The following TTC7A variants were observed in gnomAD, a reference collection of about 807,000 sequenced individuals.
The protein encoded by TTC7A is tetratricopeptide repeat domain 7A, also known as tetratricopeptide repeat protein 7A.
In TTC7A, 110 loss-of-function variants were observed where a neutral mutation model predicts 103.7. The ratio of observed to expected loss-of-function variants is 1.06; its 90% CI spans 0.91 to 1.24. The LOEUF (loss-of-function observed/expected upper bound fraction) is 1.24. Among genes scored for constraint, TTC7A ranks in the 50% most tolerant of loss-of-function variants. The pLI is 0.00. For missense variants in TTC7A, 1,340 were observed against 1,116.3 expected (o/e 1.20, Z -2.86); for synonymous variants, 521 against 467.9 (o/e 1.11, Z -1.47).
chr2:47,002,514 G>A (rs1676924615), intron 8 of TTC7A, among the ~76,000 whole-genome samples: 1 of 148,852 alleles, frequency 6.7e-6, no homozygotes, highest in Admixed American at 6.7e-5. Context: ...GTGTGGCTGG[G>A]ACTAGGTCAG....
At chr2:46,965,080 A>G (rs1672722273) in intron 3 of TTC7A, among the ~76,000 whole-genome samples, 1 of 152,200 alleles carries the variant, frequency 6.6e-6, no homozygotes, top group Non-Finnish European at 1.5e-5. Flanking sequence ...TGCAAAGTCA[A>G]AAGGTGAAAT....
intron 8 of TTC7A, among the ~76,000 whole-genome samples, chr2:46,996,042 C>A (rs17036022): frequency 0.07 from 10,635 of 152,344 alleles, 416 homozygotes; most frequent in Non-Finnish European, 0.079. Flanking sequence ...AACACAAGCA[C>A]GTGGATGCAC....
chr2:47,069,732 C>T lies in TTC7A; in HGVS notation c.2356-3970C>T, dbSNP rs149948461. On this transcript the variant is annotated intron_variant, in intron 19 of 19. Coordinates refer to ENST00000319190, the MANE Select transcript of TTC7A (RefSeq NM_020458.4). Reference sequence around the variant, plus strand: ...TGAGAGAATCCGGAATGCCAGAGAGCCTGGAGCTGGGCTGGAATGCCAGCC... The same window carrying T: ...TGAGAGAATCCGGAATGCCAGAGAGTCTGGAGCTGGGCTGGAATGCCAGCC... Among the ~76,000 whole-genome samples the T allele has an allele frequency of 8.6e-3, 1,312 of 152,302 alleles. 12 individuals are homozygous for T. The highest frequency in any genetic ancestry group is 0.017 in the Middle Eastern group (5 of 294).
Position 47,075,165 on chromosome 2 carries a change from C to T in TTC7A, c.*1242C>T, listed in dbSNP as rs1449645148. 4 of 152,248 alleles carry T rather than the reference C, an allele frequency of 2.6e-5. No homozygotes were observed. The highest frequency in any genetic ancestry group is 5.9e-5 in the Non-Finnish European group (4 of 68,054). The allele number at this position is 152,248 out of a possible 1,614,324, so 9.4% of individuals were successfully genotyped here. A position where few individuals can be genotyped will look rare whatever the true frequency, so the allele number is the denominator to read the frequency against. On this transcript the variant is annotated 3_prime_UTR_variant, in exon 20 of 20. Transcript: ENST00000319190. Reference sequence around the variant, plus strand: ...TCCATGGCACACTAGCTCAGCACTGCATTTCCCGAGATGATTCCCAAGACA... The same window carrying T: ...TCCATGGCACACTAGCTCAGCACTGTATTTCCCGAGATGATTCCCAAGACA...
intron 1 of TTC7A, among the ~76,000 whole-genome samples, chr2:46,943,001 G>A (rs542305980): frequency 6.6e-6 from 1 of 152,220 alleles, no homozygotes; most frequent in East Asian, 1.9e-4. Context: ...AACTTCCTGG[G>A]CTCAAGCGAT....
chr2:47,005,511 A>T (rs1369691085), intron 8 of TTC7A, among the ~76,000 whole-genome samples: 1 of 152,180 alleles, frequency 6.6e-6, no homozygotes, highest in African/African-American at 2.4e-5. Flanking sequence ...AGATACAGGG[A>T]GATTAAAGAG....
intron 4 of TTC7A, among the ~76,000 whole-genome samples, chr2:46,976,093 T>C (rs770488226): frequency 6.6e-6 from 1 of 152,228 alleles, no homozygotes; most frequent in Non-Finnish European, 1.5e-5. Flanking sequence ...GGTTCAATGC[T>C]AAGGGGACAG....
At chr2:47,030,600 A>G (rs933206987) in intron 15 of TTC7A, among the ~76,000 whole-genome samples, 6 of 152,212 alleles carry the variant, frequency 3.9e-5, no homozygotes. Context: ...GGGGAGTCCC[A>G]GTGGCCAAGG....
At chr2:46,923,760 C>T (rs1290330228) in intron 2 of TTC7A, among the ~76,000 whole-genome samples, 1 of 151,608 alleles carries the variant, frequency 6.6e-6, no homozygotes, top group Non-Finnish European at 1.5e-5. Flanking sequence ...GAGACAAAGT[C>T]TCACTCTTGT....
chr2:47,056,514 G>C (rs892356730), intron 18 of TTC7A, among the ~76,000 whole-genome samples: 1 of 152,202 alleles, frequency 6.6e-6, no homozygotes, highest in Non-Finnish European at 1.5e-5. Context: ...CCCTGCAAAG[G>C]GGGTGTGGAA....
At chr2:46,956,058 C>T (rs1326513060) in intron 2 of TTC7A, among the ~76,000 whole-genome samples, 1 of 152,206 alleles carries the variant, frequency 6.6e-6, no homozygotes, top group African/African-American at 2.4e-5. Context: ...AGCACAGCCT[C>T]CCTCAGGCAA....
intron 2 of TTC7A, among the ~76,000 whole-genome samples, chr2:46,924,032 G>C (rs1016263138): frequency 2.2e-4 from 34 of 151,678 alleles, no homozygotes; most frequent in Non-Finnish European, 3.8e-4. Flanking sequence ...CACTGTGCCC[G>C]GCCTATAGAA....
chr2:46,923,308 T>G (rs1363731129), intron 2 of TTC7A, among the ~76,000 whole-genome samples: 1 of 152,096 alleles, frequency 6.6e-6, no homozygotes, highest in Non-Finnish European at 1.5e-5. Context: ...GGGCTAAGAG[T>G]CCCAACCTTC....
At position 47,017,667 on chromosome 2, in the gene TTC7A, G is replaced by C. The variant is rs139858515; in HGVS notation, c.1393-4195G>C. ...GGGGATGGAAAGCTCGACCAGCTCA[G>C]CATAGTGGACTGTGCGGGCCTGCGG... On this transcript the variant is annotated intron_variant, in intron 11 of 19. Transcript: ENST00000319190. 3.2e-3 allele frequency among the ~76,000 whole-genome samples: 485 copies of C among 152,322 alleles called. 3 individuals are homozygous for C. The highest frequency in any genetic ancestry group is 0.013 in the Admixed American group (204 of 15,304).
chr2:46,990,072 A>G (rs1161383985), intron 5 of TTC7A, among the ~76,000 whole-genome samples: 2 of 152,194 alleles, frequency 1.3e-5, no homozygotes, highest in Non-Finnish European at 2.9e-5. Flanking sequence ...TGTAGGCCAC[A>G]GGGCCCTAGG....
Position 47,031,796 on chromosome 2 carries a change from C to T in TTC7A, c.1802+2412C>T, listed in dbSNP as rs553313850. Among the ~76,000 whole-genome samples the T allele has an allele frequency of 1.8e-4, 27 of 152,364 alleles. 1 individual carries two copies. The highest frequency in any genetic ancestry group is 6.5e-4 in the African/African-American group (27 of 41,588). ...GCTTTCTGCCAGGCTAAAGCAGCTC[C>T]CCTGGCCTGCTGTGGGGAGGCTAAC... On this transcript the variant is annotated intron_variant, in intron 15 of 19. Transcript: ENST00000319190.
At chr2:47,002,336 T>C (rs1676905200) in intron 8 of TTC7A, among the ~76,000 whole-genome samples, 1 of 152,256 alleles carries the variant, frequency 6.6e-6, no homozygotes, top group African/African-American at 2.4e-5. Flanking sequence ...GAGAACATTC[T>C]GCCATTATTC....
chr2:47,008,523 G>A (rs1452605238), intron 10 of TTC7A, among the ~76,000 whole-genome samples: 2 of 152,196 alleles, frequency 1.3e-5, no homozygotes, highest in Non-Finnish European at 2.9e-5. Context: ...CCCCGGGAGT[G>A]GGCTTGCATC....
intron 15 of TTC7A, among the ~76,000 whole-genome samples, chr2:47,043,994 G>C (rs1463766632): frequency 1.3e-5 from 2 of 152,188 alleles, no homozygotes; most frequent in Non-Finnish European, 2.9e-5. Context: ...AGAGGGCCCG[G>C]GGAATGCAGC....
Sources: gnomAD v4.1 joint callset for allele counts (sites outside exome capture counted in the v4.1 genomes callset) on GRCh38, gnomAD v4.1.1 for gene constraint, MANE v1.5 for transcripts, NCBI Gene and HGNC (gene_info 2026-07-23, HGNC 2026-07-21) for gene names.